The following NEB variants were observed in gnomAD, a reference collection of about 807,000 sequenced individuals.
NEB encodes nemaline myopathy type 2.
NEB carries 512 observed loss-of-function variants against 952.2 expected under a neutral mutation model. That is an observed-to-expected ratio of 0.54 (90% CI 0.50 to 0.58). The LOEUF is 0.58. Ranked by LOEUF, NEB falls within the 20% of genes least tolerant of loss-of-function variation. The probability of loss-of-function intolerance (pLI) is 0.00; values close to 1 mark genes in which losing one functional copy is unlikely to be tolerated. For missense variants in NEB, 8,428 were observed against 9,231.1 expected (o/e 0.91, Z 3.56); for synonymous variants, 2,900 against 3,149.8 (o/e 0.92, Z 2.66).
chr2:151,729,797 G>T (rs1174117009), intron 3 of NEB, 141 bp from the exon 4 acceptor site: 2 of 840,796 alleles, frequency 2.4e-6, no homozygotes. Context: ...GAGGGAGCCT[G>T]TTCATATTTT....
At chr2:151,621,101 A>C in intron 71 of NEB, 75 bp from the exon 72 acceptor site, 2 of 1,182,292 alleles carry the variant, frequency 1.7e-6, no homozygotes, top group Non-Finnish European at 1.2e-6. Flanking sequence ...CCAAAGGAAG[A>C]CCACTTTTGG....
intron 40 of NEB, among the ~76,000 whole-genome samples, chr2:151,667,531 T>C (rs1284467949): frequency 6.6e-6 from 1 of 152,020 alleles, no homozygotes; most frequent in Admixed American, 6.6e-5. Context: ...ATACATCACA[T>C]ATAGATTTTT....
chr2:151,557,506 T>G (rs2095740802), intron 124 of NEB, among the ~76,000 whole-genome samples: 1 of 152,180 alleles, frequency 6.6e-6, no homozygotes, highest in Admixed American at 6.5e-5. Flanking sequence ...GAATCCTCCC[T>G]AACTCATTTT....
Position 151,562,740 on chromosome 2 carries a change from G to A in NEB, c.18762C>T (p.His6254=), listed in dbSNP as rs748339284. The A allele has an allele frequency of 4.4e-5, 70 of 1,602,222 alleles. No homozygotes were observed. Among genetic ancestry groups the A allele is most frequent in the Non-Finnish European group, 5.6e-5 (66 of 1,173,888 alleles). ...TGTACTGGCACCTTTTAGCCAGCAC[G>A]TGATTCATCATGTCATTGGGGATAT... ...NVHIPNDMMN[H]VLAKRCQYIL... is the part of the protein sequence containing the mutation. Residue 6254 remains histidine, a synonymous_variant, in exon 120 of 182, where the codon CAC becomes CAT. Coordinates refer to ENST00000397345, the MANE Select transcript of NEB (RefSeq NM_001164508.2).
chr2:151,709,601 T>C (rs2099737920), intron 12 of NEB, 55 bp downstream of exon 12: 1 of 1,376,390 alleles, frequency 7.3e-7, no homozygotes, highest in Non-Finnish European at 1.0e-6. Flanking sequence ...GCCAAAGTTA[T>C]AAGAAATTTA....
At chr2:151,496,478 G>A (rs2060245984) in intron 172 of NEB, 110 bp from the exon 173 acceptor site, 1 of 1,466,004 alleles carries the variant, frequency 6.8e-7, no homozygotes, top group Non-Finnish European at 9.2e-7. Context: ...GTCGTCCAAG[G>A]AGCCAGAAGT....
chr2:151,520,866 A>T (rs1332243758), intron 153 of NEB, among the ~76,000 whole-genome samples: 2 of 133,030 alleles, frequency 1.5e-5, no homozygotes, highest in African/African-American at 8.5e-5. Flanking sequence ...CCTGTCTCAC[A>T]AAATAAATAA....
At chr2:151,663,466 T>C (rs776485144) in intron 45 of NEB, 82 bp downstream of exon 45, 11 of 1,369,582 alleles carry the variant, frequency 8.0e-6, no homozygotes, top group Non-Finnish European at 1.1e-5. Context: ...TCTTTCAGGA[T>C]TTTCAAAACG....
At chr2:151,623,838 GA>G (rs1250581731) in intron 71 of NEB, among the ~76,000 whole-genome samples, 1 of 152,008 alleles carries the variant, frequency 6.6e-6, no homozygotes, top group African/African-American at 2.4e-5. Context: ...GTATAAGTGG[GA>G]AAAAATGTGC....
chr2:151,514,756 A>G, intron 158 of NEB, 62 bp downstream of exon 158: 1 of 1,176,126 alleles, frequency 8.5e-7, no homozygotes, highest in Non-Finnish European at 1.2e-6. Context: ...GAACACATTA[A>G]TGAGTGTCAC....
At chr2:151,613,715 G>C (rs1431163371) in intron 77 of NEB, among the ~76,000 whole-genome samples, 5 of 152,144 alleles carry the variant, frequency 3.3e-5, no homozygotes, top group Non-Finnish European at 7.4e-5. Context: ...GTGATAGTGA[G>C]TGAATTCTCA....
At chr2:151,499,628 C>T in intron 168 of NEB, 1 of 329,228 alleles carries the variant, frequency 3.0e-6, no homozygotes, top group East Asian at 6.7e-5. Flanking sequence ...ATATTTATTT[C>T]CTGTGCCAGG....
chr2:151,552,888 A>T, intron 127 of NEB, 112 bp from the exon 128 acceptor site: 2 of 708,310 alleles, frequency 2.8e-6, no homozygotes, highest in East Asian at 2.8e-5. Context: ...ATTCATCAGC[A>T]CTACTCAACA....
intron 60 of NEB, among the ~76,000 whole-genome samples, chr2:151,641,673 G>T (rs937781902): frequency 1.4e-4 from 21 of 151,830 alleles, no homozygotes; most frequent in African/African-American, 5.1e-4. Flanking sequence ...TTCATTATAT[G>T]GTATTTAACC....
At chr2:151,545,630 C>T (rs1025436070) in intron 135 of NEB, among the ~76,000 whole-genome samples, 3 of 151,842 alleles carry the variant, frequency 2.0e-5, no homozygotes, top group Non-Finnish European at 4.4e-5. Context: ...TGCAAAACCC[C>T]TCATCAGCCC....
chr2:151,514,694 A>G (rs2076653337), intron 158 of NEB, 124 bp downstream of exon 158: 2 of 722,218 alleles, frequency 2.8e-6, no homozygotes, highest in Middle Eastern at 2.4e-4. Flanking sequence ...TACCAAGCAC[A>G]TGAGAACCCA....
chr2:151,649,826 T>C (rs1015345933), intron 54 of NEB, among the ~76,000 whole-genome samples: 5 of 152,200 alleles, frequency 3.3e-5, no homozygotes, highest in African/African-American at 1.2e-4. Flanking sequence ...CCATTGTGCC[T>C]GTGTAAGGTA....
At chr2:151,734,313 C>CTA (rs2099816357) in intron 1 of NEB, 85 bp downstream of exon 1, 1 of 152,128 alleles carries the variant, frequency 6.6e-6, no homozygotes, top group Non-Finnish European at 1.5e-5. Context: ...TCAGTTATGG[C>CTA]CCAAACCTTT....
rs957352848 is a variant in NEB, at chr2:151,725,681, T to A, written c.295-121A>T. ...TAGCAATTATCAATTATAATAGCTT[T>A]CTTTTTGTCCCCTACCCCAACTCTC... is the stretch of plus-strand genomic sequence containing the variant. On this transcript the variant is annotated intron_variant, in intron 5 of 181. Transcript: ENST00000397345. 164 of 741,206 alleles carry A rather than the reference T, an allele frequency of 2.2e-4. 1 individual carries two copies. The highest frequency in any genetic ancestry group is 2.4e-4 in the Admixed American group (9 of 37,332). 45.9% of individuals were successfully genotyped at this position (741,206 alleles called of 1,614,324 possible).
Sources: allele counts gnomAD v4.1 joint callset (sites outside exome capture counted in the v4.1 genomes callset), GRCh38; gene constraint gnomAD v4.1.1; transcripts MANE v1.5; gene names NCBI Gene and HGNC (gene_info 2026-07-23, HGNC 2026-07-21).